Variants in MAP2K6 observed in about 807,000 individuals in gnomAD.
The protein encoded by MAP2K6 is mitogen-activated protein kinase kinase 6, also known as dual specificity mitogen-activated protein kinase kinase 6.
MAP2K6 carries 16 observed loss-of-function variants against 53.7 expected under a neutral mutation model. That is an observed-to-expected ratio of 0.30 (90% CI 0.20 to 0.45). The LOEUF (loss-of-function observed/expected upper bound fraction) is 0.45. Ranked by LOEUF, MAP2K6 falls within the 20% of genes least tolerant of loss-of-function variation. The pLI is 1.00. For synonymous variants in MAP2K6, 132 were observed against 143.1 expected, an observed-to-expected ratio of 0.92 and a Z score of 0.55; for missense variants, 204 against 411.9, an observed-to-expected ratio of 0.50 and a Z score of 4.37.
chr17:69,531,673 G>A (rs539752656), intron 10 of MAP2K6, among the ~76,000 whole-genome samples: 1 of 152,212 alleles, frequency 6.6e-6, no homozygotes, highest in East Asian at 1.9e-4. Context: ...CCATATGAAC[G>A]TAAAGGAAAA....
At chr17:69,427,918 GT>G (rs1243728351) in intron 1 of MAP2K6, among the ~76,000 whole-genome samples, 4 of 152,162 alleles carry the variant, frequency 2.6e-5, no homozygotes, top group African/African-American at 9.7e-5. Context: ...TGGAATAATT[GT>G]TTTCCATCCC....
At chr17:69,436,537 T>G (rs1906646854) in intron 1 of MAP2K6, among the ~76,000 whole-genome samples, 1 of 152,208 alleles carries the variant, frequency 6.6e-6, no homozygotes, top group Non-Finnish European at 1.5e-5. Context: ...AACAAGTACC[T>G]TTAGAATAAA....
chr17:69,430,156 G>A (rs775034119), intron 1 of MAP2K6, among the ~76,000 whole-genome samples: 3 of 152,010 alleles, frequency 2.0e-5, no homozygotes, highest in African/African-American at 2.4e-5. Flanking sequence ...GTGGAACCCC[G>A]TCTCTACTAC....
intron 1 of MAP2K6, among the ~76,000 whole-genome samples, chr17:69,427,511 G>T (rs1434399415): frequency 6.6e-6 from 1 of 152,020 alleles, no homozygotes; most frequent in Non-Finnish European, 1.5e-5. Context: ...TATTATTTTG[G>T]TTTCAAAAAC....
At chr17:69,533,688 G>T (rs1463952655) in intron 10 of MAP2K6, among the ~76,000 whole-genome samples, 2 of 148,720 alleles carry the variant, frequency 1.3e-5, no homozygotes, top group African/African-American at 4.9e-5. Flanking sequence ...TCTGGTTTTT[G>T]ATTTGCTTTG....
chr17:69,536,780 A>G (rs1911381869), intron 11 of MAP2K6, among the ~76,000 whole-genome samples: 1 of 152,180 alleles, frequency 6.6e-6, no homozygotes. Context: ...ACGTTTCTTA[A>G]ATTGTGGTAA....
At chr17:69,468,181 A>G (rs1907875211) in intron 1 of MAP2K6, among the ~76,000 whole-genome samples, 1 of 152,128 alleles carries the variant, frequency 6.6e-6, no homozygotes, top group Non-Finnish European at 1.5e-5. Flanking sequence ...GTTACCTGCT[A>G]TTTCCCTAGA....
At chr17:69,534,358 A>T (rs761567526) in intron 10 of MAP2K6, among the ~76,000 whole-genome samples, 4 of 152,050 alleles carry the variant, frequency 2.6e-5, no homozygotes, top group Admixed American at 6.6e-5. Flanking sequence ...TTTTATCCTC[A>T]GTTGAGATGA....
At chr17:69,539,775 A>G (rs1911524211) in intron 11 of MAP2K6, among the ~76,000 whole-genome samples, 1 of 152,196 alleles carries the variant, frequency 6.6e-6, no homozygotes, top group East Asian at 1.9e-4. Context: ...TCCTGTTTTG[A>G]TAGTAAAAAG....
chr17:69,529,907 C>G (rs1442162062), intron 10 of MAP2K6, among the ~76,000 whole-genome samples: 1 of 152,136 alleles, frequency 6.6e-6, no homozygotes, highest in Non-Finnish European at 1.5e-5. Context: ...CTTCTCTCTC[C>G]TTATAACACC....
intron 1 of MAP2K6, among the ~76,000 whole-genome samples, chr17:69,442,927 T>A (rs1414207096): frequency 6.6e-6 from 1 of 152,156 alleles, no homozygotes; most frequent in African/African-American, 2.4e-5. Flanking sequence ...CTAATAGAGA[T>A]TCAATAATTA....
At chr17:69,491,634 G>A (rs981160094) in intron 1 of MAP2K6, among the ~76,000 whole-genome samples, 2 of 152,028 alleles carry the variant, frequency 1.3e-5, no homozygotes, top group Non-Finnish European at 2.9e-5. Context: ...GCTCTTTGAG[G>A]AATAGCCACA....
At chr17:69,451,609 C>T (rs1212571016) in intron 1 of MAP2K6, among the ~76,000 whole-genome samples, 2 of 152,032 alleles carry the variant, frequency 1.3e-5, no homozygotes, top group African/African-American at 2.4e-5. Flanking sequence ...TTTGAGGGGA[C>T]GCTAACAAAG....
chr17:69,430,600 C>G (rs1008109076), intron 1 of MAP2K6, among the ~76,000 whole-genome samples: 1 of 152,106 alleles, frequency 6.6e-6, no homozygotes, highest in South Asian at 2.1e-4. Context: ...AGAAAAAGAG[C>G]AACAGAAACT....
rs1911894329 is a variant in MAP2K6, at chr17:69,546,783, G to T, written c.*5030G>T. The T allele has an allele frequency of 6.6e-6, 1 of 151,970 alleles. No individual in the cohort carries two copies. Among genetic ancestry groups the T allele is most frequent in the Non-Finnish European group, 1.5e-5 (1 of 68,038 alleles). 9.4% of individuals were successfully genotyped at this position (151,970 alleles called of 1,614,324 possible). ...TTGAAGAGGGATTTGTTGGCTCAAA[G>T]GATCTTCTGCTTTTAATGAATTAGC... On this transcript the variant is annotated 3_prime_UTR_variant, in exon 12 of 12. Coordinates refer to ENST00000590474, the MANE Select transcript of MAP2K6 (RefSeq NM_002758.4).
In MAP2K6 at chr17:69,541,958, A is replaced by G; in HGVS notation, c.*205A>G. On this transcript the variant is annotated 3_prime_UTR_variant, in exon 12 of 12. Transcript: ENST00000590474. ...ATAGAATGAACTGTCTAGATGGATG[A>G]ATTATGATAAAGGCTTAGGACTTCA... 2.7e-6 allele frequency: 1 copy of G among 373,264 alleles called. No individual in the cohort carries two copies. Among genetic ancestry groups the G allele is most frequent in the South Asian group, 3.7e-5 (1 of 27,084 alleles). The allele number at this position is 373,264 out of a possible 1,614,324, so 23.1% of individuals were successfully genotyped here.
chr17:69,512,339 G>GTTTTTTTTTTTTTTTTTTT (rs746993199), intron 2 of MAP2K6, among the ~76,000 whole-genome samples: 2 of 82,130 alleles, frequency 2.4e-5, no homozygotes, highest in African/African-American at 5.2e-5. Context: ...TTTTTTTTTT[G>GTTTTTTTTTTTTTTTTTTT]TTTTTTTTTT....
chr17:69,442,369 CT>C (rs1179433657), intron 1 of MAP2K6, among the ~76,000 whole-genome samples: 3 of 152,126 alleles, frequency 2.0e-5, no homozygotes, highest in Non-Finnish European at 2.9e-5. Flanking sequence ...CTTGCCTCTC[CT>C]TGGATCCTTA....
Position 69,427,903 on chromosome 17 carries a change from C to G in MAP2K6, c.16+12903C>G, listed in dbSNP as rs532843727. Among the ~76,000 whole-genome samples, 19 of 152,318 alleles carry G rather than the reference C, an allele frequency of 1.2e-4. No individual in the cohort carries two copies. The Middle Eastern group carries it at 0.014, about 109-fold the overall frequency. ...TGGGATTGAGAAATTTTGATATATT[C>G]AGTCTGGAATAATTGTTTTCCATCC... On this transcript the variant is annotated intron_variant, in intron 1 of 11. Transcript: ENST00000590474.
Sources: allele counts gnomAD v4.1 joint callset (sites outside exome capture counted in the v4.1 genomes callset), GRCh38; gene constraint gnomAD v4.1.1; transcripts MANE v1.5; gene names NCBI Gene and HGNC (gene_info 2026-07-23, HGNC 2026-07-21).